The following PCDH15 variants were observed in gnomAD, a reference collection of about 807,000 sequenced individuals.
PCDH15 encodes the protein protocadherin related 15, also known as protocadherin-15.
Under a neutral mutation model 178.5 loss-of-function variants are expected in PCDH15, and 129 were observed. The observed-to-expected ratio is 0.72, with a 90% CI of 0.63 to 0.84. The LOEUF is 0.84. PCDH15 is among the 40% of genes least tolerant of loss of function. The pLI is 0.00. For missense variants in PCDH15, 2,230 were observed against 2,099.9 expected, an observed-to-expected ratio of 1.06 and a Z score of -1.21; for synonymous variants, 800 against 732.0, an observed-to-expected ratio of 1.09 and a Z score of -1.50.
intron 1 of PCDH15, among the ~76,000 whole-genome samples, chr10:55,194,875 C>T (rs1438744133): frequency 2.0e-5 from 3 of 151,918 alleles, no homozygotes; most frequent in Non-Finnish European, 4.4e-5. Flanking sequence ...GCCTTTGTCT[C>T]ACCTTCTCTA....
At chr10:53,991,367 A>C (rs1211103827) in intron 21 of PCDH15, among the ~76,000 whole-genome samples, 3 of 152,070 alleles carry the variant, frequency 2.0e-5, no homozygotes, top group Non-Finnish European at 4.4e-5. Flanking sequence ...GGGTTCGTGG[A>C]TGCACCAATC....
intron 15 of PCDH15, among the ~76,000 whole-genome samples, chr10:54,117,036 T>C (rs1418596166): frequency 1.3e-5 from 2 of 152,184 alleles, no homozygotes; most frequent in Non-Finnish European, 1.5e-5. Context: ...TGGAAACTTC[T>C]GCGGCCAATG....
chr10:54,325,421 A>G (rs1705094129), intron 7 of PCDH15, among the ~76,000 whole-genome samples: 1 of 152,104 alleles, frequency 6.6e-6, no homozygotes, highest in East Asian at 1.9e-4. Context: ...TGCTTAATGT[A>G]CATGACTTAC....
chr10:54,159,330 G>A (rs974442194), intron 13 of PCDH15, among the ~76,000 whole-genome samples: 12 of 151,922 alleles, frequency 7.9e-5, no homozygotes, highest in Non-Finnish European at 1.6e-4. Context: ...TCTTCCTCTA[G>A]GGCTAAACTG....
intron 1 of PCDH15, among the ~76,000 whole-genome samples, chr10:54,779,436 G>GTGTA (rs1555192729): frequency 3.6e-5 from 3 of 82,280 alleles, no homozygotes; most frequent in Admixed American, 1.2e-4. Flanking sequence ...ACACATATGT[G>GTGTA]TATATATATA....
chr10:54,356,542 A>T (rs1337323949), intron 5 of PCDH15, among the ~76,000 whole-genome samples: 1 of 151,710 alleles, frequency 6.6e-6, no homozygotes, highest in Non-Finnish European at 1.5e-5. Flanking sequence ...CACTTAATGT[A>T]TGACATACTT....
intron 2 of PCDH15, among the ~76,000 whole-genome samples, chr10:54,548,141 A>G (rs1392710958): frequency 6.8e-6 from 1 of 146,998 alleles, no homozygotes. Context: ...ACCCATATAT[A>G]TATATGTTTT....
chr10:55,466,232 A>G (rs1839828844), intron 2 of PCDH15, among the ~76,000 whole-genome samples: 1 of 152,190 alleles, frequency 6.6e-6, no homozygotes, highest in African/African-American at 2.4e-5. Context: ...CTGAAAATCA[A>G]AGTATACTAG....
At chr10:54,300,562 G>C (rs988509292) in intron 8 of PCDH15, among the ~76,000 whole-genome samples, 8 of 152,186 alleles carry the variant, frequency 5.3e-5, no homozygotes, top group Non-Finnish European at 1.2e-4. Context: ...GAAGTAGCTA[G>C]AGTGGTCATC....
At chr10:54,180,239 A>T (rs1196570506) in intron 13 of PCDH15, among the ~76,000 whole-genome samples, 2 of 152,202 alleles carry the variant, frequency 1.3e-5, no homozygotes, top group African/African-American at 2.4e-5. Flanking sequence ...TGAAAAAATC[A>T]AGTGTAAGAG....
chr10:55,203,468 C>T (rs1591986971), intron 1 of PCDH15, among the ~76,000 whole-genome samples: 1 of 151,852 alleles, frequency 6.6e-6, no homozygotes, highest in South Asian at 2.1e-4. Context: ...ACAGAAAATA[C>T]GATATTTGAC....
chr10:54,809,858 C>A (rs928841338), intron 3 of PCDH15, among the ~76,000 whole-genome samples: 9 of 152,270 alleles, frequency 5.9e-5, no homozygotes, highest in African/African-American at 2.2e-4. Flanking sequence ...CACTTTAATA[C>A]TTTTGAGTAA....
chr10:54,765,516 T>A (rs1948402785), intron 1 of PCDH15, among the ~76,000 whole-genome samples: 1 of 152,132 alleles, frequency 6.6e-6, no homozygotes, highest in African/African-American at 2.4e-5. Flanking sequence ...ACTCTCACCC[T>A]GGTACCCAGA....
chr10:53,834,248 A>G lies in PCDH15; in HGVS notation c.3984-2715T>C, dbSNP rs543194290. Among the ~76,000 whole-genome samples, 14 of 152,250 alleles carry G rather than the reference A, an allele frequency of 9.2e-5. No individual in the cohort carries two copies. The South Asian group carries it at 1.7e-3, about 18-fold the overall frequency. ...GGAATTCTTTTACCAGAAACAGGAG[A>G]AGGACTCAAGCCATGTAAAACACAC... On this transcript the variant is annotated intron_variant, in intron 29 of 37. Transcript: ENST00000644397.
intron 3 of PCDH15, among the ~76,000 whole-genome samples, chr10:54,862,875 T>A (rs1474184770): frequency 6.6e-6 from 1 of 152,150 alleles, no homozygotes; most frequent in East Asian, 1.9e-4. Context: ...ATAAACCTCT[T>A]TTCTTTATAC....
intron 3 of PCDH15, among the ~76,000 whole-genome samples, chr10:54,490,807 T>A (rs565708151): frequency 1.3e-5 from 2 of 152,298 alleles, no homozygotes; most frequent in East Asian, 3.9e-4. Context: ...TTACCTGAAA[T>A]AAATGATTTT....
At chr10:54,364,578 G>A (rs930433272) in intron 5 of PCDH15, among the ~76,000 whole-genome samples, 2 of 151,936 alleles carry the variant, frequency 1.3e-5, no homozygotes, top group South Asian at 2.1e-4. Flanking sequence ...GGTCAATTTC[G>A]CTGATTTCAA....
intron 1 of PCDH15, among the ~76,000 whole-genome samples, chr10:55,232,969 A>G (rs1841268150): frequency 6.6e-6 from 1 of 152,144 alleles, no homozygotes. Flanking sequence ...GAAGTAAACT[A>G]TGAGATAGTA....
chr10:54,548,545 T>C (rs975789755), intron 2 of PCDH15, among the ~76,000 whole-genome samples: 1 of 130,970 alleles, frequency 7.6e-6, no homozygotes, highest in East Asian at 4.2e-4. Flanking sequence ...TATATATATG[T>C]ATATGTGCCT....
Sources: gnomAD v4.1 joint callset for allele counts (sites outside exome capture counted in the v4.1 genomes callset) on GRCh38, gnomAD v4.1.1 for gene constraint, MANE v1.5 for transcripts, NCBI Gene and HGNC (gene_info 2026-07-23, HGNC 2026-07-21) for gene names.